MTA3: variants seen among roughly 807,000 people sequenced by gnomAD.
MTA3 encodes metastasis-associated protein MTA3.
MTA3 carries 34 observed loss-of-function variants against 83.5 expected under a neutral mutation model. That is an observed-to-expected ratio of 0.41 (90% CI 0.31 to 0.54). MTA3 has a LOEUF of 0.54. Among genes scored for constraint, MTA3 ranks in the 20% least tolerant of loss-of-function variants. The pLI, the probability that MTA3 is intolerant of heterozygous loss-of-function variation, is 0.33. For synonymous variants in MTA3, 303 were observed against 252.7 expected (o/e 1.20, Z -1.89); for missense variants, 761 against 726.4 (o/e 1.05, Z -0.55).
intron 3 of MTA3, among the ~76,000 whole-genome samples, chr2:42,602,822 G>C (rs932733594): frequency 2.0e-5 from 3 of 152,192 alleles, no homozygotes; most frequent in African/African-American, 7.2e-5. Flanking sequence ...ATCCAGAGGA[G>C]TGTTCTCTAA....
Position 42,756,678 on chromosome 2 carries a change from G to C in MTA3, c.*3279G>C. On this transcript the variant is annotated 3_prime_UTR_variant, in exon 17 of 17. Transcript: ENST00000405094. ...TACTGTTGTCCCTGTTTTCCTTTGGGGGAATTTACTCAGTTAGCAGCCCCT... is the reference window on the plus strand; with the variant it reads ...TACTGTTGTCCCTGTTTTCCTTTGGCGGAATTTACTCAGTTAGCAGCCCCT... 1 of 985,440 alleles carries C rather than the reference G, an allele frequency of 1.0e-6. No individual in the cohort carries two copies. The highest frequency in any genetic ancestry group is 1.2e-6 in the Non-Finnish European group (1 of 829,994). The allele number at this position is 985,440 out of a possible 1,614,324, so 61.0% of individuals were successfully genotyped here. A position where few individuals can be genotyped will look rare whatever the true frequency, so the allele number is the denominator to read the frequency against.
chr2:42,729,093 T>TG (rs983231834), intron 16 of MTA3, among the ~76,000 whole-genome samples: 5 of 37,118 alleles, frequency 1.3e-4, no homozygotes, highest in South Asian at 1.2e-3. Context: ...TGAGTTTTTT[T>TG]TTTTTTTTTT....
intron 4 of MTA3, among the ~76,000 whole-genome samples, chr2:42,629,921 G>C (rs1487124034): frequency 6.6e-6 from 1 of 152,046 alleles, no homozygotes; most frequent in Non-Finnish European, 1.5e-5. Flanking sequence ...TGGGATTACA[G>C]CGGCCTGTCA....
intron 9 of MTA3, among the ~76,000 whole-genome samples, chr2:42,690,971 GGTTCAA>G (rs1362696131): frequency 6.6e-6 from 1 of 151,784 alleles, no homozygotes; most frequent in Non-Finnish European, 1.5e-5. Flanking sequence ...CCACCTCCCA[GGTTCAA>G]GTGATTCTCC....
intron 16 of MTA3, among the ~76,000 whole-genome samples, chr2:42,734,549 G>A (rs1668479525): frequency 1.4e-5 from 2 of 143,144 alleles, no homozygotes; most frequent in Non-Finnish European, 3.0e-5. Flanking sequence ...TTTACATTCA[G>A]TGTTATTGTT....
intron 8 of MTA3, among the ~76,000 whole-genome samples, chr2:42,660,075 C>T: frequency 6.6e-6 from 1 of 150,534 alleles, no homozygotes. Flanking sequence ...GAAAGAGGGG[C>T]TGTTTTTTTT....
At chr2:42,500,811 CTTTTTT>C (rs1177557640) in intron 2 of MTA3, among the ~76,000 whole-genome samples, 2 of 133,174 alleles carry the variant, frequency 1.5e-5, no homozygotes, top group Admixed American at 7.6e-5. Context: ...CTTTATGAAG[CTTTTTT>C]TTTTTTTTTT....
At chr2:42,533,508 T>C (rs972355460) in intron 2 of MTA3, 3 of 133,224 alleles carry the variant, frequency 2.3e-5, no homozygotes, top group Admixed American at 7.5e-5. Flanking sequence ...CTTTCTTTCT[T>C]TCTTTTCTTT....
intron 2 of MTA3, among the ~76,000 whole-genome samples, chr2:42,548,875 TAA>T (rs1491189903): frequency 7.5e-5 from 2 of 26,520 alleles, no homozygotes; most frequent in South Asian, 1.6e-3. Context: ...TATATATATA[TAA>T]TATATATATA....
chr2:42,499,023 C>A (rs1674274029), intron 2 of MTA3, among the ~76,000 whole-genome samples: 1 of 152,084 alleles, frequency 6.6e-6, no homozygotes, highest in Non-Finnish European at 1.5e-5. Context: ...GTCTTGTTTA[C>A]AGAGCTCTAA....
intron 8 of MTA3, among the ~76,000 whole-genome samples, chr2:42,671,710 A>G (rs1401775306): frequency 6.6e-6 from 1 of 152,200 alleles, no homozygotes; most frequent in Admixed American, 6.5e-5. Context: ...TTTAGAAGGA[A>G]GTGTGGCTCA....
chr2:42,689,870 T>C (rs1402246771), intron 9 of MTA3, among the ~76,000 whole-genome samples: 1 of 151,792 alleles, frequency 6.6e-6, no homozygotes, highest in Non-Finnish European at 1.5e-5. Context: ...TTTGGTTTGA[T>C]TGACTTTGCT....
chr2:42,671,548 CTTT>C (rs1316919733), intron 8 of MTA3, among the ~76,000 whole-genome samples: 1 of 152,030 alleles, frequency 6.6e-6, no homozygotes, highest in African/African-American at 2.4e-5. Flanking sequence ...TTTAAAATTA[CTTT>C]TCATGATAAA....
chr2:42,661,193 A>G (rs1040612847), intron 8 of MTA3, among the ~76,000 whole-genome samples: 11 of 152,196 alleles, frequency 7.2e-5, no homozygotes, highest in African/African-American at 1.7e-4. Context: ...AGAATATTTT[A>G]TCAGAGAAGC....
chr2:42,623,529 C>T (rs190448044), intron 4 of MTA3, among the ~76,000 whole-genome samples: 1 of 152,216 alleles, frequency 6.6e-6, no homozygotes, highest in East Asian at 1.9e-4. Flanking sequence ...AACAGGTGGC[C>T]ACAGCAGGGG....
chr2:42,530,857 T>C (rs1235479117), intron 2 of MTA3, among the ~76,000 whole-genome samples: 3 of 151,902 alleles, frequency 2.0e-5, no homozygotes, highest in African/African-American at 7.3e-5. Context: ...TGAGACAGAG[T>C]CTCACTTCAT....
At chr2:42,525,323 C>T (rs1675638973) in intron 2 of MTA3, among the ~76,000 whole-genome samples, 4 of 152,054 alleles carry the variant, frequency 2.6e-5, no homozygotes, top group Admixed American at 2.6e-4. Flanking sequence ...CCTCAGCCTC[C>T]TGAGTAGCTG....
At chr2:42,498,419 G>C (rs1159885093) in intron 2 of MTA3, among the ~76,000 whole-genome samples, 1 of 152,208 alleles carries the variant, frequency 6.6e-6, no homozygotes, top group African/African-American at 2.4e-5. Context: ...GGAAGAGAAA[G>C]TCTCCGGTGT....
intron 6 of MTA3, among the ~76,000 whole-genome samples, chr2:42,651,841 C>T (rs1476597992): frequency 1.3e-5 from 2 of 151,118 alleles, no homozygotes; most frequent in African/African-American, 4.9e-5. Context: ...CACTCGTAAT[C>T]CCAGCACTTT....
Sources: allele counts gnomAD v4.1 joint callset (sites outside exome capture counted in the v4.1 genomes callset), GRCh38; gene constraint gnomAD v4.1.1; transcripts MANE v1.5; gene names NCBI Gene and HGNC (gene_info 2026-07-23, HGNC 2026-07-21).